CNTLN: variants seen among roughly 807,000 people sequenced by gnomAD.
The protein encoded by CNTLN is centlein, centrosomal protein.
Under a neutral mutation model 180.0 loss-of-function variants are expected in CNTLN, and 212 were observed. That is an observed-to-expected ratio of 1.18 (90% CI 1.05 to 1.32). The LOEUF is 1.32. Ranked by LOEUF, CNTLN falls within the 40% of genes most tolerant of loss-of-function variation. The probability of loss-of-function intolerance (pLI) is 0.00; values close to 1 mark genes in which losing one functional copy is unlikely to be tolerated. For synonymous variants in CNTLN, 722 were observed against 563.1 expected, an observed-to-expected ratio of 1.28 and a Z score of -3.99; for missense variants, 2,095 against 1,610.9, an observed-to-expected ratio of 1.30 and a Z score of -5.14.
At chr9:17,255,660 G>C (rs890715663) in intron 5 of CNTLN, among the ~76,000 whole-genome samples, 1 of 151,698 alleles carries the variant, frequency 6.6e-6, no homozygotes, top group African/African-American at 2.4e-5. Flanking sequence ...TTGGTATCAG[G>C]ATGATGCTCT....
At chr9:17,154,921 C>T (rs941512549) in intron 2 of CNTLN, among the ~76,000 whole-genome samples, 4 of 152,216 alleles carry the variant, frequency 2.6e-5, no homozygotes, top group African/African-American at 9.6e-5. Flanking sequence ...ATAAATCTTG[C>T]TGCTGCTCAC....
intron 18 of CNTLN, 58 bp from the exon 19 acceptor site, chr9:17,457,466 A>G (rs1231007567): frequency 3.2e-6 from 3 of 944,740 alleles, no homozygotes; most frequent in Admixed American, 7.6e-5. Context: ...TAATTGTTAG[A>G]TTAAATATAG....
intron 2 of CNTLN, among the ~76,000 whole-genome samples, chr9:17,174,895 TG>T (rs1387734042): frequency 3.9e-5 from 6 of 152,214 alleles, no homozygotes; most frequent in African/African-American, 1.4e-4. Flanking sequence ...GCATTTCTCA[TG>T]GTTAATGATG....
intron 5 of CNTLN, among the ~76,000 whole-genome samples, chr9:17,251,933 C>T (rs1826168769): frequency 6.6e-6 from 1 of 151,758 alleles, no homozygotes; most frequent in Non-Finnish European, 1.5e-5. Context: ...TCACTGTATT[C>T]CCAAGCACCA....
chr9:17,140,070 G>C (rs895635748), intron 1 of CNTLN, among the ~76,000 whole-genome samples: 1 of 152,108 alleles, frequency 6.6e-6, no homozygotes, highest in Non-Finnish European at 1.5e-5. Context: ...GAGAATATGA[G>C]TGATTGATAA....
At chr9:17,435,562 T>G (rs1404362841) in intron 18 of CNTLN, among the ~76,000 whole-genome samples, 1 of 150,352 alleles carries the variant, frequency 6.7e-6, no homozygotes, top group Non-Finnish European at 1.5e-5. Context: ...AGTGGCTCTT[T>G]TTTTTTTTTT....
the CNTLN span, among the ~76,000 whole-genome samples, chr9:17,526,155 T>C: frequency 1.3e-5 from 2 of 152,148 alleles, no homozygotes; most frequent in Non-Finnish European, 2.9e-5. Context: ...CAGGATGGTC[T>C]CGATCTCCTG....
At chr9:17,508,292 A>G (rs1833968713), downstream of CNTLN, among the ~76,000 whole-genome samples, 1 of 152,226 alleles carries the variant, frequency 6.6e-6, no homozygotes. Flanking sequence ...TTGCAAAAAT[A>G]GTAAGCAGAG....
intron 2 of CNTLN, chr9:17,166,886 G>A (rs1388586514): frequency 6.5e-6 from 3 of 460,516 alleles, no homozygotes; most frequent in Non-Finnish European, 1.3e-5. Flanking sequence ...TTGGGATTGA[G>A]AAAATGTGAG....
At chr9:17,270,191 C>T (rs1404972649) in intron 5 of CNTLN, among the ~76,000 whole-genome samples, 3 of 151,878 alleles carry the variant, frequency 2.0e-5, no homozygotes, top group African/African-American at 7.2e-5. Flanking sequence ...AATATAAAAC[C>T]AGTTTGTTCT....
intron 25 of CNTLN, among the ~76,000 whole-genome samples, chr9:17,492,971 A>G (rs1203993866): frequency 1.3e-5 from 2 of 152,190 alleles, no homozygotes; most frequent in East Asian, 3.8e-4. Flanking sequence ...GCTAAGTGAA[A>G]TAAGTCAAAC....
chr9:17,282,036 C>T (rs1010318610), intron 6 of CNTLN, among the ~76,000 whole-genome samples: 2 of 152,176 alleles, frequency 1.3e-5, no homozygotes, highest in African/African-American at 4.8e-5. Context: ...GATCTCGGCT[C>T]ACTGCAACTT....
intron 12 of CNTLN, among the ~76,000 whole-genome samples, chr9:17,357,300 G>A (rs933642891): frequency 4.0e-5 from 6 of 151,588 alleles, no homozygotes; most frequent in Non-Finnish European, 8.8e-5. Context: ...ATATTTTTTA[G>A]TTGTATTCTA....
chr9:17,274,479 A>G (rs1216238239), intron 6 of CNTLN, among the ~76,000 whole-genome samples: 1 of 145,842 alleles, frequency 6.9e-6, no homozygotes, highest in Non-Finnish European at 1.5e-5. Context: ...CTATCTATCT[A>G]TCTATCTATC....
intron 6 of CNTLN, among the ~76,000 whole-genome samples, chr9:17,297,214 TATTAGG>T (rs2132777133): frequency 6.6e-6 from 1 of 152,266 alleles, no homozygotes; most frequent in Admixed American, 6.5e-5. Flanking sequence ...ATGTACTTTG[TATTAGG>T]TATTATAAGT....
At chr9:17,182,923 T>A (rs1821210432) in intron 2 of CNTLN, among the ~76,000 whole-genome samples, 1 of 152,180 alleles carries the variant, frequency 6.6e-6, no homozygotes, top group Admixed American at 6.5e-5. Context: ...TGAGATAGAT[T>A]CTAGTGCGTG....
chr9:17,281,594 T>C (rs1828667710), intron 6 of CNTLN, among the ~76,000 whole-genome samples: 1 of 152,146 alleles, frequency 6.6e-6, no homozygotes, highest in African/African-American at 2.4e-5. Flanking sequence ...GCTCCATCCA[T>C]GTCCCTGCAA....
At chr9:17,347,751 C>A (rs917951311) in intron 12 of CNTLN, among the ~76,000 whole-genome samples, 1 of 151,832 alleles carries the variant, frequency 6.6e-6, no homozygotes. Context: ...CATAGCTTAG[C>A]CTAGACTACC....
chr9:17,294,058 G>A (rs1817609030), intron 6 of CNTLN, among the ~76,000 whole-genome samples: 1 of 152,174 alleles, frequency 6.6e-6, no homozygotes, highest in African/African-American at 2.4e-5. Context: ...TCCTTCTGAT[G>A]TTCAGATGTG....
Sources: allele counts gnomAD v4.1 joint callset (sites outside exome capture counted in the v4.1 genomes callset), GRCh38; gene constraint gnomAD v4.1.1; transcripts MANE v1.5; gene names NCBI Gene and HGNC (gene_info 2026-07-23, HGNC 2026-07-21).